The following ADAMTSL1 variants were observed in gnomAD, a reference collection of about 807,000 sequenced individuals.
ADAMTSL1 encodes ADAMTS-like protein 1.
In ADAMTSL1, 126 loss-of-function variants were observed where a neutral mutation model predicts 201.8. The ratio of observed to expected loss-of-function variants is 0.62; its 90% CI spans 0.54 to 0.72. ADAMTSL1 has a LOEUF of 0.72. Ranked by LOEUF, ADAMTSL1 falls within the 30% of genes least tolerant of loss-of-function variation. The pLI, the probability that ADAMTSL1 is intolerant of heterozygous loss-of-function variation, is 0.00. For synonymous variants in ADAMTSL1, 1,121 were observed against 903.4 expected, an observed-to-expected ratio of 1.24 and a Z score of -4.32; for missense variants, 2,679 against 2,277.8, an observed-to-expected ratio of 1.18 and a Z score of -3.59.
intron 16 of ADAMTSL1, among the ~76,000 whole-genome samples, chr9:18,767,371 T>C (rs1024483932): frequency 5.3e-5 from 8 of 152,180 alleles, no homozygotes; most frequent in East Asian, 3.8e-4. Flanking sequence ...GTCCCCAAAT[T>C]TGGCAAATCC....
intron 2 of ADAMTSL1, among the ~76,000 whole-genome samples, chr9:18,308,135 T>C (rs1833979814): frequency 6.6e-6 from 1 of 152,098 alleles, no homozygotes; most frequent in South Asian, 2.1e-4. Flanking sequence ...CATAAGTTAT[T>C]TGAAACTGAT....
intron 1 of ADAMTSL1, among the ~76,000 whole-genome samples, chr9:17,948,254 C>T (rs1444229932): frequency 6.6e-6 from 1 of 152,068 alleles, no homozygotes; most frequent in Admixed American, 6.6e-5. Flanking sequence ...AAGAGTGTTC[C>T]AACTCCTCTC....
chr9:18,634,521 C>T (rs539849920), intron 5 of ADAMTSL1, among the ~76,000 whole-genome samples: 3 of 151,702 alleles, frequency 2.0e-5, no homozygotes, highest in African/African-American at 7.3e-5. Context: ...TGTGATCACA[C>T]TGTGATAGCG....
chr9:18,635,870 C>G, intron 5 of ADAMTSL1, 73 bp from the exon 6 acceptor site: 1 of 1,343,744 alleles, frequency 7.4e-7, no homozygotes, highest in Non-Finnish European at 1.0e-6. Flanking sequence ...AAGTCAGTGC[C>G]TTTATTTAGA....
intron 2 of ADAMTSL1, among the ~76,000 whole-genome samples, chr9:18,523,907 A>G (rs1459716315): frequency 7.5e-6 from 1 of 133,376 alleles, no homozygotes; most frequent in African/African-American, 2.8e-5. Flanking sequence ...TTGGCTTAGG[A>G]TTGACTTGGT....
At chr9:18,177,171 T>C (rs186868069) in intron 2 of ADAMTSL1, among the ~76,000 whole-genome samples, 1 of 152,320 alleles carries the variant, frequency 6.6e-6, no homozygotes, top group Non-Finnish European at 1.5e-5. Flanking sequence ...GTGTACCAAG[T>C]TTCTATGGGG....
chr9:18,890,951 C>T (rs998722385), intron 25 of ADAMTSL1, among the ~76,000 whole-genome samples: 1 of 146,716 alleles, frequency 6.8e-6, no homozygotes, highest in Non-Finnish European at 1.5e-5. Context: ...AATAATGGCT[C>T]TGTTTTCTTG....
At position 18,374,266 on chromosome 9, in the gene ADAMTSL1, T is replaced by C. The variant is rs1837183751; in HGVS notation, c.208-130563T>C. 2.6e-5 allele frequency among the ~76,000 whole-genome samples: 4 copies of C among 152,194 alleles called. No individual in the cohort carries two copies. In the South Asian group the frequency reaches 8.3e-4, roughly 31 times the overall value. On this transcript the variant is annotated intron_variant, in intron 2 of 29. Transcript: ENST00000680146. Reference sequence around the variant, plus strand: ...AGGTGCAGTTCTGAAAGAGAGATACTGACTTACCAATAGGGGACTATGCAT... The same window carrying C: ...AGGTGCAGTTCTGAAAGAGAGATACCGACTTACCAATAGGGGACTATGCAT...
chr9:18,315,759 A>G (rs898974566), intron 2 of ADAMTSL1, among the ~76,000 whole-genome samples: 1 of 152,174 alleles, frequency 6.6e-6, no homozygotes, highest in African/African-American at 2.4e-5. Flanking sequence ...GCCTCAGCCA[A>G]CCTAGAGAGG....
intron 1 of ADAMTSL1, among the ~76,000 whole-genome samples, chr9:17,913,025 G>A (rs1054868151): frequency 1.3e-5 from 2 of 152,100 alleles, no homozygotes; most frequent in East Asian, 3.9e-4. Flanking sequence ...TGAGGGCTCT[G>A]TTCTGTTCTG....
chr9:18,311,935 C>A (rs571976062), intron 2 of ADAMTSL1, among the ~76,000 whole-genome samples: 1 of 152,304 alleles, frequency 6.6e-6, no homozygotes, highest in South Asian at 2.1e-4. Flanking sequence ...GAGAGGACAG[C>A]ATGTGGAAAG....
At position 18,102,604 on chromosome 9, in the gene ADAMTSL1, C is replaced by T. The variant is rs16936316; in HGVS notation, c.88-61258C>T. On this transcript the variant is annotated intron_variant, in intron 1 of 29. Coordinates refer to the ADAMTSL1 transcript ENST00000680146. ...GATTTTGACCAGCAAGATGTGGGAG[C>T]AGGTCATGAAGAAAGAACAGAGTCA... 7.1e-3 allele frequency among the ~76,000 whole-genome samples: 1,078 copies of T among 152,178 alleles called. 19 individuals are homozygous for T. The highest frequency in any genetic ancestry group is 0.023 in the African/African-American group (969 of 41,522).
At position 18,721,539 on chromosome 9, in the gene ADAMTSL1, T is replaced by G; in HGVS notation, c.1880T>G (p.Val627Gly). 2 of 1,613,842 alleles carry G rather than the reference T, an allele frequency of 1.2e-6. No individual in the cohort carries two copies. The highest frequency in any genetic ancestry group is 1.7e-6 in the Non-Finnish European group (2 of 1,179,852). Reference protein sequence around the residue: ...TKCSESCGGGVQEAVVSCLNK... With the variant: ...TKCSESCGGGGQEAVVSCLNK... The stretch of plus-strand genomic sequence containing the variant: ...TGACCGTGTGATTTGTACACAGGTG[T>G]CCAGGAGGCTGTGGTGAGCTGCTTG... Residue 627 changes from valine (V) to glycine (G), a missense_variant, in exon 15 of 29, where the codon GTC (valine) becomes GGC (glycine). Val to Gly is a moderately radical substitution (Grantham distance 109, BLOSUM62 -3). Transcript: ENST00000380548.
intron 4 of ADAMTSL1, 51 bp downstream of exon 4, chr9:18,574,317 T>C: frequency 6.8e-7 from 1 of 1,481,448 alleles, no homozygotes; most frequent in South Asian, 1.1e-5. Flanking sequence ...TTCAATGTCT[T>C]TGTGTAAATG....
At chr9:17,978,812 T>C (rs1818563298) in intron 1 of ADAMTSL1, among the ~76,000 whole-genome samples, 2 of 152,104 alleles carry the variant, frequency 1.3e-5, no homozygotes, top group African/African-American at 4.8e-5. Flanking sequence ...ATTAGGGTCT[T>C]CACATTTCAG....
intron 10 of ADAMTSL1, among the ~76,000 whole-genome samples, chr9:18,679,494 A>G (rs990434212): frequency 1.9e-5 from 2 of 104,654 alleles, no homozygotes; most frequent in Non-Finnish European, 4.2e-5. Context: ...AAAGCTCTGA[A>G]AAAAAAAATC....
At chr9:18,363,095 T>C (rs1304280890) in intron 2 of ADAMTSL1, among the ~76,000 whole-genome samples, 1 of 152,164 alleles carries the variant, frequency 6.6e-6, no homozygotes, top group Admixed American at 6.6e-5. Flanking sequence ...CTAAAAGTGT[T>C]ATGGGAGACA....
intron 4 of ADAMTSL1, among the ~76,000 whole-genome samples, chr9:18,583,278 GA>G (rs1823235837): frequency 1.3e-5 from 2 of 152,224 alleles, no homozygotes; most frequent in Admixed American, 1.3e-4. Flanking sequence ...AGCCATGGCT[GA>G]AAGGGGTCAA....
intron 20 of ADAMTSL1, among the ~76,000 whole-genome samples, chr9:18,798,428 TA>T (rs765257747): frequency 6.6e-6 from 1 of 152,204 alleles, no homozygotes. Flanking sequence ...CAATCATTCA[TA>T]AAAAATGTTT....
Sources: gnomAD v4.1 joint callset for allele counts (sites outside exome capture counted in the v4.1 genomes callset) on GRCh38, gnomAD v4.1.1 for gene constraint, MANE v1.5 for transcripts, NCBI Gene and HGNC (gene_info 2026-07-23, HGNC 2026-07-21) for gene names.